MARK2: variants seen among roughly 807,000 people sequenced by gnomAD.
MARK2 encodes the protein serine/threonine-protein kinase MARK2.
MARK2 carries 16 observed loss-of-function variants against 89.8 expected under a neutral mutation model. The observed-to-expected ratio is 0.18, with a 90% confidence interval of 0.12 to 0.27. The LOEUF (loss-of-function observed/expected upper bound fraction) is 0.27, where lower values mean the gene tolerates loss of function less well. Among genes scored for constraint, MARK2 ranks in the 10% least tolerant of loss-of-function variants. The pLI is 1.00. For synonymous variants in MARK2, 382 were observed against 399.5 expected (o/e 0.96, Z 0.52); for missense variants, 621 against 1,049.9 (o/e 0.59, Z 5.65).
At chr11:63,898,727 C>T in intron 5 of MARK2, 36 bp from the exon 6 acceptor site, 1 of 1,611,814 alleles carries the variant, frequency 6.2e-7, no homozygotes, top group East Asian at 2.2e-5. Flanking sequence ...CACCTCCAGC[C>T]AGCTCTGACT....
At chr11:63,885,147 C>T (rs1360602364) in intron 1 of MARK2, among the ~76,000 whole-genome samples, 5 of 152,010 alleles carry the variant, frequency 3.3e-5, no homozygotes, top group Admixed American at 1.3e-4. Flanking sequence ...GAGCCAAGAT[C>T]GTACCACTGC....
At chr11:63,892,012 C>T (rs1254890849) in intron 1 of MARK2, among the ~76,000 whole-genome samples, 2 of 152,226 alleles carry the variant, frequency 1.3e-5, no homozygotes, top group African/African-American at 4.8e-5. Flanking sequence ...ACTTGTCTTG[C>T]AGACACTGTT....
intron 1 of MARK2, among the ~76,000 whole-genome samples, chr11:63,872,570 TAAA>T (rs201161745): frequency 0.62 from 93,826 of 151,962 alleles, 29,477 homozygotes; most frequent in East Asian, 0.94. Context: ...CCAGAGGCCA[TAAA>T]CCTGCCTTTT....
At position 63,898,277 on chromosome 11, in the gene MARK2, A is replaced by G. The variant is rs780001701; in HGVS notation, c.334A>G (p.Ile112Val). ...RIMKVLNHPN[I>V]VKLFEVIETE... is the part of the protein sequence containing the mutation. ...AATGAAGGTTTTGAATCATCCCAACATAGGTGAGCACAAGTTGTTATTTCT... is the reference window on the plus strand; with the variant it reads ...AATGAAGGTTTTGAATCATCCCAACGTAGGTGAGCACAAGTTGTTATTTCT... The change falls in exon 4 of 19, where the codon ATA (isoleucine) becomes GTA (valine). Residue 112 changes from isoleucine (I) to valine (V), a missense_variant. By Grantham distance (29) the Ile-to-Val change is conservative. Coordinates refer to ENST00000402010, the MANE Select transcript of MARK2 (RefSeq NM_001039469.3). The G allele has an allele frequency of 8.7e-6, 14 of 1,613,660 alleles. No homozygotes were observed. In the South Asian group the frequency reaches 1.3e-4, roughly 15 times the overall value.
At chr11:63,892,253 AT>A (rs1939920208) in intron 1 of MARK2, among the ~76,000 whole-genome samples, 1 of 152,186 alleles carries the variant, frequency 6.6e-6, no homozygotes, top group Non-Finnish European at 1.5e-5. Context: ...GTCCAACCCC[AT>A]GTGTTTCTGG....
chr11:63,903,825 C>A lies in MARK2; in HGVS notation c.1515-161C>A, dbSNP rs1941096272. Among the ~76,000 whole-genome samples, 1 of 152,088 alleles carries A rather than the reference C, an allele frequency of 6.6e-6. No homozygotes were observed. Among genetic ancestry groups the A allele is most frequent in the African/African-American group, 2.4e-5 (1 of 41,398 alleles). Reference sequence around the variant, plus strand: ...CACTCACCTCCACTTCTCAGCCCCGCATTCCTCAGTTCTGACTTGCATCCC... The same window carrying A: ...CACTCACCTCCACTTCTCAGCCCCGAATTCCTCAGTTCTGACTTGCATCCC... On this transcript the variant is annotated intron_variant, in intron 14 of 18. Transcript: ENST00000402010. The surrounding 1 kb of genome is among the most constrained non-coding windows in gnomAD (Gnocchi z 5.1).
chr11:63,905,142 G>C, intron 16 of MARK2, 99 bp downstream of exon 16: 3 of 1,364,920 alleles, frequency 2.2e-6, no homozygotes, highest in Admixed American at 3.8e-5. Flanking sequence ...GGGACACTCT[G>C]TACCGGTATT....
chr11:63,844,914 T>C (rs752811445), intron 1 of MARK2, among the ~76,000 whole-genome samples: 1 of 152,346 alleles, frequency 6.6e-6, no homozygotes, highest in East Asian at 1.9e-4. Context: ...TTCCTACTTA[T>C]GTATTATGTC....
intron 1 of MARK2, among the ~76,000 whole-genome samples, chr11:63,892,681 G>A (rs1489687900): frequency 6.6e-6 from 1 of 151,176 alleles, no homozygotes; most frequent in Non-Finnish European, 1.5e-5. Flanking sequence ...TGTTCTTTGT[G>A]AGATGTAAAC....
chr11:63,902,997 G>A lies in MARK2; in HGVS notation c.1417-64G>A, dbSNP rs1941028044. On this transcript the variant is annotated intron_variant, in intron 13 of 18. Coordinates refer to ENST00000402010, the MANE Select transcript of MARK2 (RefSeq NM_001039469.3). This position sits in a 1 kb window ranked among gnomAD's most constrained non-coding sequence, Gnocchi z 4.2. ...AGGAAGCCTGTTCCATGAACCTGGG[G>A]GGAGAACCTGGCTGTAGACCACTTT... 1 of 1,400,224 alleles carries A rather than the reference G, an allele frequency of 7.1e-7. No homozygotes were observed. The highest frequency in any genetic ancestry group is 1.4e-5 in the African/African-American group (1 of 70,762). 86.7% of individuals were successfully genotyped at this position (1,400,224 alleles called of 1,614,324 possible).
intron 1 of MARK2, chr11:63,888,738 C>T: frequency 8.3e-7 from 1 of 1,199,646 alleles, no homozygotes; most frequent in Non-Finnish European, 1.1e-6. Flanking sequence ...CGTCCAGGTT[C>T]CCAGGCAGGA....
At chr11:63,852,064 A>G (rs2016599605) in intron 1 of MARK2, among the ~76,000 whole-genome samples, 1 of 152,220 alleles carries the variant, frequency 6.6e-6, no homozygotes, top group Non-Finnish European at 1.5e-5. Flanking sequence ...ACGTTAACAC[A>G]GTGTTGCTTT....
chr11:63,855,547 G>T (rs1408078819), intron 1 of MARK2, among the ~76,000 whole-genome samples: 1 of 151,424 alleles, frequency 6.6e-6, no homozygotes, highest in Non-Finnish European at 1.5e-5. Flanking sequence ...AAAAAACAGT[G>T]CAGGATGACT....
intron 17 of MARK2, among the ~76,000 whole-genome samples, chr11:63,907,249 C>T (rs1010943000): frequency 5.3e-5 from 8 of 152,224 alleles, no homozygotes; most frequent in Admixed American, 3.9e-4. Context: ...CCCTCCTCCT[C>T]CCACCCAGCT....
intron 1 of MARK2, among the ~76,000 whole-genome samples, chr11:63,883,108 C>T (rs1175951984): frequency 9.9e-5 from 15 of 152,188 alleles, no homozygotes; most frequent in Admixed American, 9.2e-4. Context: ...GCAGTGTGAG[C>T]TTCCCTCAGC....
At chr11:63,839,664 A>G (rs1247411044) in intron 1 of MARK2, 104 bp downstream of exon 1, 11 of 757,388 alleles carry the variant, frequency 1.5e-5, no homozygotes, top group Non-Finnish European at 1.9e-5. Context: ...GCCATCCTGC[A>G]AGCCTCGGCT....
intron 7 of MARK2, among the ~76,000 whole-genome samples, chr11:63,899,347 G>A (rs1045896790): frequency 4.6e-5 from 7 of 151,898 alleles, no homozygotes; most frequent in African/African-American, 1.7e-4. Context: ...TTGAGCAGGG[G>A]CCCTCTGCCA....
At chr11:63,895,424 A>T in intron 2 of MARK2, 86 bp downstream of exon 2, 1 of 1,489,700 alleles carries the variant, frequency 6.7e-7, no homozygotes, top group Non-Finnish European at 9.3e-7. Flanking sequence ...ACTGCAGCCA[A>T]CCTCTTGTTT....
At chr11:63,844,202 A>G (rs2016162497) in intron 1 of MARK2, among the ~76,000 whole-genome samples, 1 of 152,236 alleles carries the variant, frequency 6.6e-6, no homozygotes, top group African/African-American at 2.4e-5. Flanking sequence ...CTCTCTGGTC[A>G]GGCACCATGG....
Sources: allele counts gnomAD v4.1 joint callset (sites outside exome capture counted in the v4.1 genomes callset), GRCh38; gene constraint gnomAD v4.1.1; non-coding constraint Gnocchi (gnomAD v3.1); transcripts MANE v1.5; gene names NCBI Gene and HGNC (gene_info 2026-07-23, HGNC 2026-07-21).